The following CSMD3 variants were observed in gnomAD, a reference collection of about 807,000 sequenced individuals.
The protein encoded by CSMD3 is CUB and Sushi multiple domains 3, also known as CUB and sushi domain-containing protein 3.
In CSMD3, 177 loss-of-function variants were observed where a neutral mutation model predicts 435.2. The observed-to-expected ratio is 0.41, with a 90% CI of 0.36 to 0.46. The LOEUF (loss-of-function observed/expected upper bound fraction) is 0.46, where lower values mean the gene tolerates loss of function less well. Ranked by LOEUF, CSMD3 falls within the 20% of genes least tolerant of loss-of-function variation. CSMD3 has a pLI of 0.34. For synonymous variants in CSMD3, 1,656 were observed against 1,520.5 expected (o/e 1.09, Z -2.07); for missense variants, 4,265 against 4,504.6 (o/e 0.95, Z 1.52).
At chr8:112,442,521 C>T (rs7000171) in intron 32 of CSMD3, among the ~76,000 whole-genome samples, 1,772 of 152,292 alleles carry the variant, frequency 0.012, 38 homozygotes, top group African/African-American at 0.041. Context: ...ATTTTTACCT[C>T]TGTATCACAA....
chr8:113,415,485 C>T (rs1009927449), intron 1 of CSMD3, among the ~76,000 whole-genome samples: 14 of 152,116 alleles, frequency 9.2e-5, no homozygotes, highest in African/African-American at 3.4e-4. Flanking sequence ...AAGGTAAAAT[C>T]TTCCACGACT....
intron 4 of CSMD3, among the ~76,000 whole-genome samples, chr8:113,101,337 C>G (rs1369900040): frequency 6.6e-6 from 1 of 152,130 alleles, no homozygotes; most frequent in Non-Finnish European, 1.5e-5. Context: ...AACTCCCTCA[C>G]AAAAATCCTG....
chr8:113,130,673 T>A (rs957207252), intron 4 of CSMD3, among the ~76,000 whole-genome samples: 1 of 152,038 alleles, frequency 6.6e-6, no homozygotes, highest in Non-Finnish European at 1.5e-5. Flanking sequence ...GCTATAAAGG[T>A]ACATGAAAAA....
intron 12 of CSMD3, among the ~76,000 whole-genome samples, chr8:112,820,331 T>C (rs192243474): frequency 2.1e-4 from 32 of 152,252 alleles, no homozygotes; most frequent in African/African-American, 7.7e-4. Context: ...GTCATTTGAT[T>C]AAGAAAGAGG....
intron 1 of CSMD3, among the ~76,000 whole-genome samples, chr8:113,356,921 GA>G (rs1175174356): frequency 1.3e-5 from 2 of 151,724 alleles, no homozygotes; most frequent in Non-Finnish European, 2.9e-5. Context: ...ATTTTTTTCT[GA>G]AAAAAATGTT....
rs73351673 is a variant in CSMD3 at position 113,052,057 on chromosome 8, A to T, written c.918-32878T>A. Among the ~76,000 whole-genome samples, 1,254 of 152,310 alleles carry T rather than the reference A, an allele frequency of 8.2e-3. 30 individuals are homozygous for T. Among genetic ancestry groups the T allele is most frequent in the African/African-American group, 0.029 (1,186 of 41,570 alleles). ...CTTTGAAAATATTTTCATGCACCTAACTTGTAGTAAACATTAATAAACACT... is the reference window on the plus strand; with the variant it reads ...CTTTGAAAATATTTTCATGCACCTATCTTGTAGTAAACATTAATAAACACT... On this transcript the variant is annotated intron_variant, in intron 5 of 70. Coordinates refer to ENST00000297405, the MANE Select transcript of CSMD3 (RefSeq NM_198123.2).
chr8:112,543,304 G>A (rs1303776501), intron 27 of CSMD3, among the ~76,000 whole-genome samples: 1 of 152,004 alleles, frequency 6.6e-6, no homozygotes. Flanking sequence ...GGGTGAAATG[G>A]CAAGCTATGG....
chr8:112,688,020 C>T (rs1462363082), intron 14 of CSMD3, among the ~76,000 whole-genome samples: 2 of 152,142 alleles, frequency 1.3e-5, no homozygotes, highest in South Asian at 2.1e-4. Flanking sequence ...GTAATAAATG[C>T]TTTGGCTTTG....
At position 112,623,072 on chromosome 8, in the gene CSMD3, A is replaced by G. The variant is rs189737195; in HGVS notation, c.3715+13745T>C. Among the ~76,000 whole-genome samples, 8 of 152,254 alleles carry G rather than the reference A, an allele frequency of 5.3e-5. No individual in the cohort carries two copies. The East Asian group carries it at 1.5e-3, about 29-fold the overall frequency. On this transcript the variant is annotated intron_variant, in intron 22 of 70. Transcript: ENST00000297405. ...ATAAAACATATACTGAGGCTTCAGAACAACATAGAAAAATGCATGAAATAA... is the reference window on the plus strand; with the variant it reads ...ATAAAACATATACTGAGGCTTCAGAGCAACATAGAAAAATGCATGAAATAA...
At chr8:112,557,173 C>T (rs951954822) in intron 24 of CSMD3, among the ~76,000 whole-genome samples, 1 of 151,642 alleles carries the variant, frequency 6.6e-6, no homozygotes, top group Non-Finnish European at 1.5e-5. Flanking sequence ...ATCAATGATA[C>T]CCCATGGTCT....
intron 3 of CSMD3, among the ~76,000 whole-genome samples, chr8:113,205,817 AATG>A (rs2092764839): frequency 6.6e-6 from 1 of 152,236 alleles, no homozygotes; most frequent in African/African-American, 2.4e-5. Context: ...AAACATAAGT[AATG>A]ATATACTATT....
intron 19 of CSMD3, among the ~76,000 whole-genome samples, chr8:112,646,476 A>T (rs2131617779): frequency 6.6e-6 from 1 of 152,264 alleles, no homozygotes; most frequent in South Asian, 2.1e-4. Context: ...TCAAATAAAG[A>T]CACTTTGTCA....
At chr8:112,965,268 A>G (rs2084374814) in intron 7 of CSMD3, among the ~76,000 whole-genome samples, 1 of 152,000 alleles carries the variant, frequency 6.6e-6, no homozygotes, top group Non-Finnish European at 1.5e-5. Context: ...TCTGGTAACC[A>G]TTTGGGGAAA....
chr8:113,029,920 T>A (rs866629159), intron 5 of CSMD3, among the ~76,000 whole-genome samples: 24 of 151,426 alleles, frequency 1.6e-4, no homozygotes, highest in Admixed American at 1.4e-3. Flanking sequence ...TAAAAAAAAA[T>A]TCAGCAAAGT....
intron 12 of CSMD3, among the ~76,000 whole-genome samples, chr8:112,805,244 A>G (rs1000473297): frequency 6.6e-6 from 1 of 152,158 alleles, no homozygotes; most frequent in African/African-American, 2.4e-5. Context: ...GAATCTGATT[A>G]CTGTGTACCT....
chr8:112,592,347 T>C (rs1329602419), intron 22 of CSMD3, among the ~76,000 whole-genome samples: 1 of 151,992 alleles, frequency 6.6e-6, no homozygotes, highest in African/African-American at 2.4e-5. Flanking sequence ...TAGGCAATAA[T>C]AGTACTTAAC....
intron 4 of CSMD3, among the ~76,000 whole-genome samples, chr8:113,159,005 A>G (rs1007936778): frequency 2.0e-5 from 3 of 151,982 alleles, no homozygotes; most frequent in Non-Finnish European, 4.4e-5. Flanking sequence ...TTAGTGTACT[A>G]GTCAATATTG....
intron 21 of CSMD3, among the ~76,000 whole-genome samples, chr8:112,637,816 T>G (rs1307282303): frequency 6.6e-6 from 1 of 152,114 alleles, no homozygotes; most frequent in African/African-American, 2.4e-5. Context: ...TTCTAGGTTA[T>G]GTTCATTTAC....
At chr8:113,406,040 G>A (rs1319964397) in intron 1 of CSMD3, among the ~76,000 whole-genome samples, 1 of 151,744 alleles carries the variant, frequency 6.6e-6, no homozygotes, top group Non-Finnish European at 1.5e-5. Context: ...AAGGATAAGA[G>A]GTGGTGTCAG....
Sources: allele counts gnomAD v4.1 joint callset (sites outside exome capture counted in the v4.1 genomes callset), GRCh38; gene constraint gnomAD v4.1.1; transcripts MANE v1.5; gene names NCBI Gene and HGNC (gene_info 2026-07-23, HGNC 2026-07-21).